TOM1L2: variants seen among roughly 807,000 people sequenced by gnomAD.
TOM1L2 encodes the protein target of myb1 like 2 membrane trafficking protein, also known as TOM1-like protein 2.
A neutral mutation model predicts 67.9 loss-of-function variants in TOM1L2; 31 were observed. The observed-to-expected ratio is 0.46, with a 90% confidence interval of 0.34 to 0.62. The LOEUF (loss-of-function observed/expected upper bound fraction) is 0.62, where lower values mean the gene tolerates loss of function less well. Among genes scored for constraint, TOM1L2 ranks in the 20% least tolerant of loss-of-function variants. The pLI is 0.01. For missense variants in TOM1L2, 606 were observed against 663.5 expected (o/e 0.91, Z 0.95); for synonymous variants, 256 against 254.0 (o/e 1.01, Z -0.07).
intron 4 of TOM1L2, among the ~76,000 whole-genome samples, chr17:17,885,079 T>G (rs2037927798): frequency 6.6e-6 from 1 of 152,202 alleles, no homozygotes; most frequent in African/African-American, 2.4e-5. Context: ...AGCAGGAATT[T>G]CCCTAATGGC....
chr17:17,929,966 G>C (rs1320497522), intron 1 of TOM1L2, among the ~76,000 whole-genome samples: 2 of 152,330 alleles, frequency 1.3e-5, no homozygotes, highest in East Asian at 3.9e-4. Context: ...GCTCTGTTGG[G>C]AGGGCTGTCT....
chr17:17,889,350 C>T (rs1443033146), intron 4 of TOM1L2, among the ~76,000 whole-genome samples: 1 of 152,154 alleles, frequency 6.6e-6, no homozygotes, highest in Non-Finnish European at 1.5e-5. Context: ...GAATGGCACT[C>T]TGAAAGGGAA....
intron 5 of TOM1L2, among the ~76,000 whole-genome samples, chr17:17,884,170 T>C (rs963390670): frequency 1.3e-5 from 2 of 152,190 alleles, no homozygotes; most frequent in African/African-American, 4.8e-5. Flanking sequence ...CAATTCTGGA[T>C]TGATGCTGAA....
intron 7 of TOM1L2, among the ~76,000 whole-genome samples, chr17:17,870,886 T>A (rs1427405682): frequency 6.6e-6 from 1 of 152,146 alleles, no homozygotes; most frequent in Non-Finnish European, 1.5e-5. Context: ...CAGTGGGGAA[T>A]CAAAGGCATC....
At chr17:17,910,156 G>A (rs530701796) in intron 1 of TOM1L2, among the ~76,000 whole-genome samples, 3 of 152,212 alleles carry the variant, frequency 2.0e-5, no homozygotes, top group Non-Finnish European at 2.9e-5. Context: ...GAGTAGCAGG[G>A]TGGGGATCAG....
At chr17:17,915,660 G>A (rs111973311) in intron 1 of TOM1L2, among the ~76,000 whole-genome samples, 1 of 151,958 alleles carries the variant, frequency 6.6e-6, no homozygotes, top group Non-Finnish European at 1.5e-5. Flanking sequence ...GGACTTCAGG[G>A]ATGCACCACC....
chr17:17,874,589 C>T (rs937577206), intron 7 of TOM1L2, among the ~76,000 whole-genome samples: 1 of 152,128 alleles, frequency 6.6e-6, no homozygotes, highest in African/African-American at 2.4e-5. Flanking sequence ...TTTAAAAAAA[C>T]GTTTGGAAAG....
At chr17:17,880,239 G>C (rs1568148421) in intron 6 of TOM1L2, among the ~76,000 whole-genome samples, 1 of 152,206 alleles carries the variant, frequency 6.6e-6, no homozygotes, top group Non-Finnish European at 1.5e-5. Context: ...CCCTCTGAGA[G>C]GCTGGGCAGT....
rs145275066 is a variant in TOM1L2, at chr17:17,870,709, T to A, written c.778-1236A>T. ...TTTAGTTCCTCATATTGTCTCATAA[T>A]CTTGCTAGCTTGGCTACAGGGTCTT... On this transcript the variant is annotated intron_variant, in intron 7 of 14. Transcript: ENST00000379504. Among the ~76,000 whole-genome samples, 44 of 152,356 alleles carry A rather than the reference T, an allele frequency of 2.9e-4. No homozygotes were observed. The East Asian group carries it at 8.3e-3, about 29-fold the overall frequency.
intron 12 of TOM1L2, among the ~76,000 whole-genome samples, chr17:17,857,526 G>A (rs1418501682): frequency 6.6e-6 from 1 of 152,216 alleles, no homozygotes; most frequent in Admixed American, 6.5e-5. Flanking sequence ...CCTCATCCCT[G>A]CTAATGTCCC....
At chr17:17,916,163 T>A (rs2039621731) in intron 1 of TOM1L2, among the ~76,000 whole-genome samples, 1 of 151,094 alleles carries the variant, frequency 6.6e-6, no homozygotes, top group African/African-American at 2.4e-5. Flanking sequence ...AAGCTCTACC[T>A]CCTGGGTTCA....
intron 1 of TOM1L2, among the ~76,000 whole-genome samples, chr17:17,952,300 T>G (rs1409167560): frequency 6.6e-6 from 1 of 151,506 alleles, no homozygotes; most frequent in Non-Finnish European, 1.5e-5. Flanking sequence ...ACTAAGCAGC[T>G]GATTACCTCT....
chr17:17,915,780 C>A (rs59948477), intron 1 of TOM1L2, among the ~76,000 whole-genome samples: 2 of 151,920 alleles, frequency 1.3e-5, no homozygotes, highest in African/African-American at 4.8e-5. Flanking sequence ...CCTTGGCCCC[C>A]CAAAGTACTA....
intron 13 of TOM1L2, 48 bp downstream of exon 13, chr17:17,850,845 C>T: frequency 6.2e-7 from 1 of 1,604,048 alleles, no homozygotes; most frequent in African/African-American, 1.3e-5. Context: ...TCAGAAGAGC[C>T]TCTGCCGCTC....
At position 17,921,874 on chromosome 17, in the gene TOM1L2, C is replaced by T. The variant is rs187117142; in HGVS notation, c.53-14343G>A. The stretch of plus-strand genomic sequence containing the variant: ...GGGGCTGTTCCCCTCGCCCTCGTGC[C>T]CACCATTCACCACCAGCACTCTCAG... On this transcript the variant is annotated intron_variant, in intron 1 of 14. Transcript: ENST00000379504. Among the ~76,000 whole-genome samples, 33 of 152,234 alleles carry T rather than the reference C, an allele frequency of 2.2e-4. No homozygotes were observed. In the East Asian group the frequency reaches 6.4e-3, roughly 29 times the overall value.
At chr17:17,872,320 A>C (rs947405580) in intron 7 of TOM1L2, among the ~76,000 whole-genome samples, 3 of 152,276 alleles carry the variant, frequency 2.0e-5, no homozygotes, top group Admixed American at 6.5e-5. Flanking sequence ...GAAGTGAACA[A>C]TTAAAATAAT....
At chr17:17,855,102 T>TG (rs1449033292) in intron 12 of TOM1L2, among the ~76,000 whole-genome samples, 1 of 152,192 alleles carries the variant, frequency 6.6e-6, no homozygotes, top group Non-Finnish European at 1.5e-5. Context: ...ACAGACATCT[T>TG]GGATGTCAGA....
At chr17:17,867,031 G>A in intron 8 of TOM1L2, 107 bp from the exon 9 acceptor site, 2 of 1,046,548 alleles carry the variant, frequency 1.9e-6, no homozygotes, top group South Asian at 2.6e-5. Context: ...AGACCAGCCA[G>A]TCCCACCTGG....
At chr17:17,855,977 A>T (rs2036233034) in intron 12 of TOM1L2, among the ~76,000 whole-genome samples, 1 of 151,348 alleles carries the variant, frequency 6.6e-6, no homozygotes, top group African/African-American at 2.4e-5. Flanking sequence ...AAAAAAAAAC[A>T]AACTGCAGTC....
Sources: gnomAD v4.1 joint callset for allele counts (sites outside exome capture counted in the v4.1 genomes callset) on GRCh38, gnomAD v4.1.1 for gene constraint, MANE v1.5 for transcripts, NCBI Gene and HGNC (gene_info 2026-07-23, HGNC 2026-07-21) for gene names.